PTPRK: variants seen among roughly 807,000 people sequenced by gnomAD.
The protein encoded by PTPRK is protein tyrosine phosphatase receptor type K, also known as receptor-type tyrosine-protein phosphatase kappa.
In PTPRK, 75 loss-of-function variants were observed where a neutral mutation model predicts 178.0. The observed-to-expected ratio is 0.42, with a 90% CI of 0.35 to 0.51. The LOEUF is 0.51. Among genes scored for constraint, PTPRK ranks in the 20% least tolerant of loss-of-function variants. The pLI is 0.02. For missense variants in PTPRK, 1,441 were observed against 1,797.8 expected, an observed-to-expected ratio of 0.80 and a Z score of 3.59; for synonymous variants, 637 against 620.6, an observed-to-expected ratio of 1.03 and a Z score of -0.39.
intron 3 of PTPRK, among the ~76,000 whole-genome samples, chr6:128,302,127 G>T (rs992758549): frequency 6.6e-6 from 1 of 151,864 alleles, no homozygotes; most frequent in African/African-American, 2.4e-5. Flanking sequence ...GGTGGCTCAC[G>T]CCTGTAATCT....
intron 6 of PTPRK, among the ~76,000 whole-genome samples, chr6:128,211,976 T>A (rs147573078): frequency 1.8e-4 from 28 of 152,146 alleles, no homozygotes; most frequent in African/African-American, 6.3e-4. Flanking sequence ...TCTGTTCAAT[T>A]AACATTCTAT....
chr6:128,425,863 C>T (rs1319184828), intron 1 of PTPRK, among the ~76,000 whole-genome samples: 3 of 152,146 alleles, frequency 2.0e-5, no homozygotes, highest in Non-Finnish European at 4.4e-5. Context: ...TCCCAATAAG[C>T]ATCGGCAAAA....
At chr6:128,307,160 A>AAATATAT (rs5879886) in intron 3 of PTPRK, among the ~76,000 whole-genome samples, 6 of 142,382 alleles carry the variant, frequency 4.2e-5, no homozygotes, top group African/African-American at 1.6e-4. Context: ...AAGAAAAAAA[A>AAATATAT]ATATATATAT....
intron 10 of PTPRK, 61 bp downstream of exon 10, chr6:128,082,376 G>A (rs907701354): frequency 7.0e-7 from 1 of 1,429,390 alleles, no homozygotes; most frequent in African/African-American, 1.4e-5. Flanking sequence ...GATTCTCCAG[G>A]ATGTGCCATT....
At chr6:128,215,396 G>A (rs1012966951) in intron 6 of PTPRK, among the ~76,000 whole-genome samples, 4 of 152,092 alleles carry the variant, frequency 2.6e-5, no homozygotes, top group African/African-American at 9.7e-5. Context: ...ATACTACTTC[G>A]ACTTGTATTT....
intron 13 of PTPRK, among the ~76,000 whole-genome samples, chr6:128,041,678 A>G (rs1288152279): frequency 6.6e-6 from 1 of 151,894 alleles, no homozygotes; most frequent in African/African-American, 2.4e-5. Flanking sequence ...CTACTTCATA[A>G]TCAAAGTGAA....
At chr6:128,154,125 A>C (rs1797657341) in intron 7 of PTPRK, among the ~76,000 whole-genome samples, 1 of 151,862 alleles carries the variant, frequency 6.6e-6, no homozygotes, top group South Asian at 2.1e-4. Context: ...AAGACTTAAC[A>C]TTAAGAGTCA....
chr6:128,036,953 A>T (rs1386562350), intron 13 of PTPRK, among the ~76,000 whole-genome samples: 1 of 152,028 alleles, frequency 6.6e-6, no homozygotes, highest in Non-Finnish European at 1.5e-5. Flanking sequence ...AATGCTCTTG[A>T]ACTCCTGACC....
At chr6:128,344,708 G>A (rs1387131099) in intron 2 of PTPRK, among the ~76,000 whole-genome samples, 2 of 151,912 alleles carry the variant, frequency 1.3e-5, no homozygotes, top group East Asian at 1.9e-4. Context: ...GAAAAGATGG[G>A]GTTTTGTCAT....
At chr6:128,230,158 T>C (rs1362879974) in intron 5 of PTPRK, among the ~76,000 whole-genome samples, 1 of 152,106 alleles carries the variant, frequency 6.6e-6, no homozygotes, top group Non-Finnish European at 1.5e-5. Context: ...GGCTGCCAAG[T>C]TGCAGGAAAT....
intron 18 of PTPRK, among the ~76,000 whole-genome samples, chr6:127,993,129 A>C (rs1449617949): frequency 6.6e-6 from 1 of 151,806 alleles, no homozygotes; most frequent in African/African-American, 2.4e-5. Flanking sequence ...AACCATAAAA[A>C]AATAACAGAA....
chr6:128,458,839 A>C (rs1478436751), intron 1 of PTPRK, among the ~76,000 whole-genome samples: 2 of 152,194 alleles, frequency 1.3e-5, no homozygotes, highest in Non-Finnish European at 2.9e-5. Context: ...AAAGAAATCC[A>C]TTATGCTCTT....
At chr6:128,186,093 T>G (rs980822695) in intron 6 of PTPRK, among the ~76,000 whole-genome samples, 1 of 152,126 alleles carries the variant, frequency 6.6e-6, no homozygotes, top group Admixed American at 6.5e-5. Context: ...TCTTTCAAAA[T>G]TCATATGATA....
chr6:128,295,328 C>T (rs369340750), intron 3 of PTPRK, among the ~76,000 whole-genome samples: 42 of 152,054 alleles, frequency 2.8e-4, no homozygotes, highest in African/African-American at 7.0e-4. Flanking sequence ...AATTTGCCAA[C>T]CTCTGTTACA....
intron 12 of PTPRK, among the ~76,000 whole-genome samples, chr6:128,065,379 G>A (rs1477984616): frequency 2.6e-5 from 4 of 152,084 alleles, no homozygotes; most frequent in Admixed American, 1.3e-4. Context: ...TAGACAGAGC[G>A]GGTATACAAA....
intron 2 of PTPRK, among the ~76,000 whole-genome samples, chr6:128,367,612 T>G (rs1359745004): frequency 6.6e-6 from 1 of 152,166 alleles, no homozygotes; most frequent in Non-Finnish European, 1.5e-5. Flanking sequence ...AACCGTCAAG[T>G]ATGATCACCT....
chr6:128,213,441 T>A (rs945229273), intron 6 of PTPRK, among the ~76,000 whole-genome samples: 1 of 152,062 alleles, frequency 6.6e-6, no homozygotes, highest in African/African-American at 2.4e-5. Context: ...AAAATTAGTA[T>A]GTGATTCAGT....
At chr6:128,365,844 C>T (rs1048513738) in intron 2 of PTPRK, among the ~76,000 whole-genome samples, 1 of 152,068 alleles carries the variant, frequency 6.6e-6, no homozygotes, top group African/African-American at 2.4e-5. Context: ...GGTTTGATAT[C>T]CAAATGCTAA....
chr6:128,317,941 C>T (rs1204140946), intron 3 of PTPRK, among the ~76,000 whole-genome samples: 2 of 152,104 alleles, frequency 1.3e-5, no homozygotes, highest in Non-Finnish European at 2.9e-5. Context: ...AGGAGAATAA[C>T]TAATAAATAG....
Sources: allele counts gnomAD v4.1 joint callset (sites outside exome capture counted in the v4.1 genomes callset), GRCh38; gene constraint gnomAD v4.1.1; transcripts MANE v1.5; gene names NCBI Gene and HGNC (gene_info 2026-07-23, HGNC 2026-07-21).